The following PLCB1 variants were observed in gnomAD, a reference collection of about 807,000 sequenced individuals.
The protein encoded by PLCB1 is 1-phosphatidylinositol 4,5-bisphosphate phosphodiesterase beta-1.
In PLCB1, 46 loss-of-function variants were observed where a neutral mutation model predicts 161.8. The observed-to-expected ratio is 0.28, with a 90% CI of 0.22 to 0.36. The LOEUF is 0.36. Ranked by LOEUF, PLCB1 falls within the 10% of genes least tolerant of loss-of-function variation. PLCB1 has a pLI of 1.00. For synonymous variants in PLCB1, 517 were observed against 503.7 expected (o/e 1.03, Z -0.35); for missense variants, 1,016 against 1,472.5 (o/e 0.69, Z 5.07).
chr20:8,756,529 A>C (rs747112256), intron 23 of PLCB1, among the ~76,000 whole-genome samples: 2 of 152,136 alleles, frequency 1.3e-5, no homozygotes, highest in Non-Finnish European at 2.9e-5. Context: ...TCCAGACCAG[A>C]CTCATAGACT....
intron 3 of PLCB1, among the ~76,000 whole-genome samples, chr20:8,487,735 C>T (rs182007690): frequency 3.9e-4 from 59 of 152,224 alleles, no homozygotes; most frequent in African/African-American, 1.3e-3. Context: ...GATAAAGGGG[C>T]GGTGGTGCAA....
At chr20:8,834,618 T>C (rs1002438737) in intron 31 of PLCB1, among the ~76,000 whole-genome samples, 4 of 151,846 alleles carry the variant, frequency 2.6e-5, no homozygotes, top group Admixed American at 6.6e-5. Context: ...AGTTCAAGAC[T>C]AGCCTGGCCA....
At chr20:8,878,502 T>C (rs3848840) in intron 31 of PLCB1, among the ~76,000 whole-genome samples, 54,662 of 152,068 alleles carry the variant, frequency 0.36, 10,091 homozygotes, top group South Asian at 0.53. Context: ...TGTGCCAACA[T>C]GGAGAGTAGG....
intron 2 of PLCB1, among the ~76,000 whole-genome samples, chr20:8,189,347 TAATATC>T (rs1429089592): frequency 1.4e-5 from 2 of 140,632 alleles, no homozygotes; most frequent in South Asian, 2.4e-4. Flanking sequence ...ATATAAAACA[TAATATC>T]ATGTTATATA....
chr20:8,569,361 T>A (rs1986434364), intron 3 of PLCB1, among the ~76,000 whole-genome samples: 2 of 152,182 alleles, frequency 1.3e-5, no homozygotes, highest in Non-Finnish European at 2.9e-5. Context: ...TGTCTAGTAA[T>A]CAGAAATTAA....
At chr20:8,708,277 A>G (rs1209364247) in intron 11 of PLCB1, among the ~76,000 whole-genome samples, 2 of 152,224 alleles carry the variant, frequency 1.3e-5, no homozygotes, top group African/African-American at 4.8e-5. Context: ...GAGACAGACT[A>G]GAAGTGAATA....
intron 2 of PLCB1, among the ~76,000 whole-genome samples, chr20:8,314,345 A>G (rs1347651448): frequency 1.3e-5 from 2 of 152,198 alleles, no homozygotes; most frequent in Admixed American, 1.3e-4. Context: ...AGCTCAGTGG[A>G]GAAATAGTAA....
At chr20:8,627,116 C>T (rs1988374221) in intron 3 of PLCB1, among the ~76,000 whole-genome samples, 1 of 147,742 alleles carries the variant, frequency 6.8e-6, no homozygotes, top group South Asian at 2.2e-4. Flanking sequence ...TTATATTAGG[C>T]AGAGCTTTGA....
chr20:8,768,652 T>C (rs370157570), intron 26 of PLCB1, among the ~76,000 whole-genome samples: 2 of 152,156 alleles, frequency 1.3e-5, no homozygotes, highest in Non-Finnish European at 2.9e-5. Context: ...CTAAAACTCA[T>C]TGAGGCCAAG....
chr20:8,583,978 T>C (rs995570753), intron 3 of PLCB1, among the ~76,000 whole-genome samples: 1 of 152,100 alleles, frequency 6.6e-6, no homozygotes, highest in East Asian at 1.9e-4. Context: ...CACACCTGCA[T>C]TTAAATGAGT....
intron 27 of PLCB1, among the ~76,000 whole-genome samples, chr20:8,781,397 A>AAC (rs765968512): frequency 2.9e-4 from 44 of 149,642 alleles, no homozygotes; most frequent in South Asian, 2.1e-3. Flanking sequence ...CACACACACA[A>AAC]ACACACACAC....
Position 8,882,804 on chromosome 20 carries a change from TTATC to T in PLCB1, c.*958_*961del, listed in dbSNP as rs1339014556. On this transcript the variant is annotated 3_prime_UTR_variant, in exon 32 of 32. Coordinates refer to ENST00000338037, the MANE Select transcript of PLCB1 (RefSeq NM_015192.4). ...TAATATAGAGAGGAAGATTGAATATTTATCTAGAGAATACAAAGACCCACATGTA... is the reference window on the plus strand; with the variant it reads ...TAATATAGAGAGGAAGATTGAATATTTAGAGAATACAAAGACCCACATGTA... The T allele has an allele frequency of 5.3e-5, 8 of 152,334 alleles. No individual in the cohort carries two copies. The highest frequency in any genetic ancestry group is 1.9e-4 in the African/African-American group (8 of 41,450). The allele number at this position is 152,334 out of a possible 1,614,324, so 9.4% of individuals were successfully genotyped here. A position where few individuals can be genotyped will look rare whatever the true frequency, so the allele number is the denominator to read the frequency against.
intron 2 of PLCB1, among the ~76,000 whole-genome samples, chr20:8,179,952 G>A (rs535247888): frequency 0.011 from 1,517 of 138,290 alleles, 38 homozygotes; most frequent in African/African-American, 0.038. Flanking sequence ...TCCGCCTCCC[G>A]GGTTCGCACC....
chr20:8,818,148 C>T (rs1985164978), intron 31 of PLCB1, among the ~76,000 whole-genome samples: 1 of 152,146 alleles, frequency 6.6e-6, no homozygotes, highest in African/African-American at 2.4e-5. Flanking sequence ...AAAATTAATT[C>T]TGGATTAATT....
At chr20:8,394,525 A>G (rs139277632) in intron 3 of PLCB1, among the ~76,000 whole-genome samples, 3 of 152,198 alleles carry the variant, frequency 2.0e-5, no homozygotes, top group Non-Finnish European at 2.9e-5. Context: ...CTCCACCAGT[A>G]TTACTCATGT....
At chr20:8,189,180 C>G (rs1372547699) in intron 2 of PLCB1, among the ~76,000 whole-genome samples, 1 of 151,640 alleles carries the variant, frequency 6.6e-6, no homozygotes, top group Non-Finnish European at 1.5e-5. Context: ...GCTTATTTCA[C>G]TTAGCATAAT....
chr20:8,594,234 G>A (rs1042585852), intron 3 of PLCB1, among the ~76,000 whole-genome samples: 5 of 152,234 alleles, frequency 3.3e-5, no homozygotes, highest in East Asian at 1.9e-4. Context: ...TCAGTTTATA[G>A]CTTCTGTTTG....
intron 20 of PLCB1, among the ~76,000 whole-genome samples, chr20:8,737,807 T>C (rs564458666): frequency 6.1e-4 from 93 of 152,358 alleles, no homozygotes; most frequent in African/African-American, 2.1e-3. Context: ...ACAAATCCAG[T>C]CTTCTGCAAA....
chr20:8,460,977 C>G (rs1267013688), intron 3 of PLCB1, among the ~76,000 whole-genome samples: 4 of 152,146 alleles, frequency 2.6e-5, no homozygotes, highest in Non-Finnish European at 1.5e-5. Flanking sequence ...TCTGTGCCAT[C>G]CAAATGAGTG....
Sources: gnomAD v4.1 joint callset for allele counts (sites outside exome capture counted in the v4.1 genomes callset) on GRCh38, gnomAD v4.1.1 for gene constraint, MANE v1.5 for transcripts, NCBI Gene and HGNC (gene_info 2026-07-23, HGNC 2026-07-21) for gene names.